Variants in HMGXB3 observed in about 807,000 individuals in gnomAD.
HMGXB3 encodes the protein HMG-box containing 3, also known as HMG domain-containing protein 3.
Under a neutral mutation model 121.5 loss-of-function variants are expected in HMGXB3, and 45 were observed. That is an observed-to-expected ratio of 0.37 (90% CI 0.29 to 0.47). HMGXB3 has a LOEUF of 0.47. Ranked by LOEUF, HMGXB3 falls within the 20% of genes least tolerant of loss-of-function variation. HMGXB3 has a pLI of 0.99. For synonymous variants in HMGXB3, 590 were observed against 624.1 expected (o/e 0.95, Z 0.81); for missense variants, 1,376 against 1,602.2 (o/e 0.86, Z 2.41).
At chr5:150,030,613 G>C in intron 9 of HMGXB3, 128 bp from the exon 10 acceptor site, 1 of 700,502 alleles carries the variant, frequency 1.4e-6, no homozygotes, top group South Asian at 1.8e-5. Context: ...TGGCAGTCCA[G>C]AGGGCTCATT....
In HMGXB3 at chr5:150,018,567, C is replaced by G; in HGVS notation, c.911C>G (p.Thr304Ser). The G allele has an allele frequency of 1.2e-5, 19 of 1,545,162 alleles. No individual in the cohort carries two copies. The highest frequency in any genetic ancestry group is 1.6e-5 in the Non-Finnish European group (18 of 1,144,064). Reference protein sequence around the residue: ...VVENPTSIKLTTTYTRRGHGT... With the variant: ...VVENPTSIKLSTTYTRRGHGT... The stretch of plus-strand genomic sequence containing the variant: ...TTCTGATGTGCTCTTTATTTACAGA[C>G]CACTACATATACCCGCCGGGGCCAT... Residue 304 changes from threonine to serine, a missense_variant and splice_region_variant, in exon 6 of 20, where the codon ACC (threonine) becomes AGC (serine). This residue lies in a region of HMGXB3 where 1,116 missense variants were observed against 1,369.0 expected (regional missense o/e 0.82). Transcript: ENST00000502717.
At chr5:150,023,366 A>T (rs758045324) in intron 6 of HMGXB3, among the ~76,000 whole-genome samples, 60 of 152,182 alleles carry the variant, frequency 3.9e-4, no homozygotes, top group Middle Eastern at 3.4e-3. Context: ...TCATAAGGGG[A>T]AATGAGGATT....
intron 5 of HMGXB3, among the ~76,000 whole-genome samples, chr5:150,013,634 G>T (rs1755893945): frequency 6.6e-6 from 1 of 152,020 alleles, no homozygotes; most frequent in African/African-American, 2.4e-5. Flanking sequence ...AAGTCATCTG[G>T]GCCTGGAGTT....
chr5:150,036,549 T>C, intron 11 of HMGXB3, 87 bp from the exon 12 acceptor site: 1 of 1,263,648 alleles, frequency 7.9e-7, no homozygotes, highest in South Asian at 1.6e-5. Flanking sequence ...GCCCCATCTG[T>C]CTGCTGCTCC....
chr5:150,041,679 G>A (rs1386070924), intron 14 of HMGXB3, 106 bp from the exon 15 acceptor site: 5 of 809,770 alleles, frequency 6.2e-6, no homozygotes, highest in Admixed American at 4.8e-5. Flanking sequence ...GTTCTTTAAG[G>A]TGAATCAGTC....
At position 150,024,592 on chromosome 5, in the gene HMGXB3, G is replaced by C. The variant is rs1467014043; in HGVS notation, c.1372G>C (p.Asp458His). ...VQPEVTLGTT[D>H]NDSPGADVPT... ...GCCTGAGGTCACTCTGGGGACAACT[G>C]ACAATGACAGTCCTGGAGCAGACGT... Residue 458 changes from aspartate to histidine, a missense_variant, in exon 7 of 20, where the codon GAC (aspartate) becomes CAC (histidine). Coordinates refer to ENST00000502717, the MANE Select transcript of HMGXB3 (RefSeq NM_014983.3). The C allele has an allele frequency of 3.2e-6, 5 of 1,551,638 alleles. No individual in the cohort carries two copies. Among genetic ancestry groups the C allele is most frequent in the Non-Finnish European group, 4.4e-6 (5 of 1,147,014 alleles).
intron 1 of HMGXB3, 63 bp from the exon 2 acceptor site, chr5:150,004,788 G>C (rs1755656953): frequency 8.6e-7 from 1 of 1,157,474 alleles, no homozygotes; most frequent in Non-Finnish European, 1.2e-6. Context: ...TATTTGATCA[G>C]GAAGCTGCTG....
intron 5 of HMGXB3, among the ~76,000 whole-genome samples, chr5:150,016,137 G>A (rs549340432): frequency 6.6e-6 from 1 of 152,220 alleles, no homozygotes; most frequent in South Asian, 2.1e-4. Context: ...TTGAGCCCAG[G>A]AGTTCAAGAC....
chr5:150,004,716 T>G (rs1043212188), intron 1 of HMGXB3, 135 bp from the exon 2 acceptor site: 1 of 544,094 alleles, frequency 1.8e-6, no homozygotes, highest in Non-Finnish European at 3.2e-6. Context: ...GCCAGGTGCT[T>G]CTTAGGATAT....
In HMGXB3 at chr5:150,052,247, C is replaced by A; in HGVS notation, c.*55C>A. 1 of 1,383,606 alleles carries A rather than the reference C, an allele frequency of 7.2e-7. No individual in the cohort carries two copies. The highest frequency in any genetic ancestry group is 9.8e-7 in the Non-Finnish European group (1 of 1,021,780). The allele number at this position is 1,383,606 out of a possible 1,614,324, so 85.7% of individuals were successfully genotyped here. A position where few individuals can be genotyped will look rare whatever the true frequency, so the allele number is the denominator to read the frequency against. ...CTCTCAAGCCATAGTAAGGCCCTTG[C>A]CTGAGGCAGAGCTATCCAGGGGACC... is the stretch of plus-strand genomic sequence containing the variant. On this transcript the variant is annotated 3_prime_UTR_variant, in exon 20 of 20. Coordinates refer to ENST00000502717, the MANE Select transcript of HMGXB3 (RefSeq NM_014983.3).
At chr5:150,022,817 CTTTTTTT>C (rs11388244) in intron 6 of HMGXB3, among the ~76,000 whole-genome samples, 2 of 119,934 alleles carry the variant, frequency 1.7e-5, no homozygotes, top group Non-Finnish European at 3.3e-5. Flanking sequence ...GTTACTGGCT[CTTTTTTT>C]TTTTTTTTTT....
intron 5 of HMGXB3, among the ~76,000 whole-genome samples, chr5:150,013,048 T>C (rs191087779): frequency 7.5e-4 from 114 of 152,328 alleles, no homozygotes; most frequent in Non-Finnish European, 1.9e-4. Context: ...GTAATGACAG[T>C]TTTATATGTC....
rs1963411 is a variant in HMGXB3 at position 150,014,910 on chromosome 5, C to T, written c.909+2557C>T. The T allele has an allele frequency of 1.7e-3, 1,429 of 817,668 alleles. 21 individuals are homozygous for T. In the African/African-American group the frequency reaches 0.023, roughly 13 times the overall value. 50.7% of individuals were successfully genotyped at this position (817,668 alleles called of 1,614,324 possible). On this transcript the variant is annotated intron_variant, in intron 5 of 19. Transcript: ENST00000502717. ...GGAACCAATGTTTCTTCAGCACCTT[C>T]GCTATCTTCCTGATGGAGATCATAT...
intron 5 of HMGXB3, among the ~76,000 whole-genome samples, chr5:150,013,459 T>C (rs1364511428): frequency 1.3e-5 from 2 of 152,212 alleles, no homozygotes. Context: ...CTCTCATAGA[T>C]TGTTGGATTT....
chr5:150,042,603 G>T (rs1756663078), intron 15 of HMGXB3, among the ~76,000 whole-genome samples: 2 of 152,020 alleles, frequency 1.3e-5, no homozygotes, highest in Admixed American at 6.5e-5. Flanking sequence ...CTCAGAGTGT[G>T]GGAGGGAGGG....
chr5:150,005,007 G>T lies in HMGXB3; in HGVS notation c.137+18G>T, dbSNP rs749760443. On this transcript the variant is annotated intron_variant, in intron 2 of 19. Transcript: ENST00000502717. Reference sequence around the variant, plus strand: ...AAACCCAGGTTAGCCAACACATTTTGGTTGCTGCTAGCATTTATAAACAGA... The same window carrying T: ...AAACCCAGGTTAGCCAACACATTTTTGTTGCTGCTAGCATTTATAAACAGA... 1 of 1,542,058 alleles carries T rather than the reference G, an allele frequency of 6.5e-7. No individual in the cohort carries two copies. Among genetic ancestry groups the T allele is most frequent in the Non-Finnish European group, 8.7e-7 (1 of 1,144,518 alleles).
chr5:150,041,139 T>C (rs1756624123), intron 14 of HMGXB3, among the ~76,000 whole-genome samples: 1 of 152,250 alleles, frequency 6.6e-6, no homozygotes, highest in African/African-American at 2.4e-5. Context: ...TCTTTGGTCA[T>C]AGGGAGACTT....
chr5:150,042,479 G>A (rs1290448262), intron 15 of HMGXB3, among the ~76,000 whole-genome samples: 1 of 152,198 alleles, frequency 6.6e-6, no homozygotes, highest in Non-Finnish European at 1.5e-5. Context: ...GTAGAGATCT[G>A]AAACCCATGT....
intron 3 of HMGXB3, among the ~76,000 whole-genome samples, chr5:150,009,796 G>GC (rs1261880764): frequency 6.6e-6 from 1 of 152,158 alleles, no homozygotes; most frequent in African/African-American, 2.4e-5. Context: ...TTTGCTCAAG[G>GC]CTATGCCAGA....
Sources: allele counts gnomAD v4.1 joint callset (sites outside exome capture counted in the v4.1 genomes callset), GRCh38; gene constraint gnomAD v4.1.1; regional missense constraint gnomAD v4.1.1; transcripts MANE v1.5; gene names NCBI Gene and HGNC (gene_info 2026-07-23, HGNC 2026-07-21).